The following XCR1 variants were observed in gnomAD, a reference collection of about 807,000 sequenced individuals.
The protein encoded by XCR1 is X-C motif chemokine receptor 1.
For missense variants in XCR1, 356 were observed against 424.2 expected (o/e 0.84, Z 1.41); for synonymous variants, 187 against 188.5 (o/e 0.99, Z 0.06).
chr3:46,047,867 A>T (rs72901044), intron 5 of XCR1, among the ~76,000 whole-genome samples: 2,204 of 152,304 alleles, frequency 0.014, 55 homozygotes, highest in African/African-American at 0.049. Flanking sequence ...TCCAGTTAAC[A>T]TAGATTGTTT....
chr3:46,072,456 A>G (rs926893703), intron 3 of XCR1, among the ~76,000 whole-genome samples: 1 of 152,176 alleles, frequency 6.6e-6, no homozygotes, highest in Non-Finnish European at 1.5e-5. Context: ...GGAGGCAGAC[A>G]TCGTACCAAT....
intron 5 of XCR1, among the ~76,000 whole-genome samples, chr3:46,047,224 A>C (rs1697652345): frequency 6.6e-6 from 1 of 152,224 alleles, no homozygotes; most frequent in Non-Finnish European, 1.5e-5. Context: ...ACAATAGCAA[A>C]AATTATCAGG....
intron 1 of XCR1, among the ~76,000 whole-genome samples, chr3:46,078,745 C>G (rs1351269677): frequency 6.6e-6 from 1 of 152,170 alleles, no homozygotes; most frequent in Non-Finnish European, 1.5e-5. Flanking sequence ...AGTGAGTTCT[C>G]TTGCTATGGA....
At chr3:46,032,435 C>G (rs1466362895), upstream of XCR1, among the ~76,000 whole-genome samples, 2 of 152,240 alleles carry the variant, frequency 1.3e-5, no homozygotes, top group African/African-American at 4.8e-5. Flanking sequence ...GCTGGCATGT[C>G]TCACTATGCA....
intron 5 of XCR1, among the ~76,000 whole-genome samples, chr3:46,034,203 A>G (rs951640301): frequency 1.3e-5 from 2 of 152,090 alleles, no homozygotes; most frequent in Admixed American, 6.6e-5. Context: ...AACTCCTGAC[A>G]TCAGGTGATC....
In XCR1 at chr3:46,022,196, G is replaced by A. The variant is rs190685138; in HGVS notation, c.-31-218C>T. 5.3e-3 allele frequency: 2,198 copies of A among 416,898 alleles called. 14 individuals are homozygous for A. Among genetic ancestry groups the A allele is most frequent in the Non-Finnish European group, 7.2e-3 (1,694 of 236,322 alleles). 25.8% of individuals were successfully genotyped at this position (416,898 alleles called of 1,614,324 possible). On this transcript the variant is annotated intron_variant, in intron 1 of 1. Coordinates refer to ENST00000309285, the MANE Select transcript of XCR1 (RefSeq NM_001024644.2). ...CATGCCTATAGTCCCAGCTACTCAG[G>A]AAACCGGGGGGTGGGGAAAGATTGC...
At chr3:46,081,717 T>C (rs1476179392) in intron 1 of XCR1, among the ~76,000 whole-genome samples, 1 of 151,848 alleles carries the variant, frequency 6.6e-6, no homozygotes, top group Non-Finnish European at 1.5e-5. Flanking sequence ...AAAAATCTTA[T>C]TCTAGATTTG....
intron 4 of XCR1, among the ~76,000 whole-genome samples, chr3:46,059,687 C>T (rs2125900765): frequency 6.6e-6 from 1 of 152,302 alleles, no homozygotes; most frequent in South Asian, 2.1e-4. Context: ...TTTTCACTTC[C>T]ACTTGGCTGA....
intron 5 of XCR1, among the ~76,000 whole-genome samples, chr3:46,036,674 G>C (rs1281946939): frequency 6.6e-6 from 1 of 152,118 alleles, no homozygotes; most frequent in Non-Finnish European, 1.5e-5. Flanking sequence ...TGAGGTATCA[G>C]GGTTTGGCAC....
chr3:46,043,336 C>T (rs1330452051), intron 5 of XCR1, among the ~76,000 whole-genome samples: 1 of 151,898 alleles, frequency 6.6e-6, no homozygotes, highest in Non-Finnish European at 1.5e-5. Flanking sequence ...AGCTACTCGG[C>T]AGGCTGAGGT....
At chr3:46,057,251 CT>C (rs1697869612) in intron 4 of XCR1, among the ~76,000 whole-genome samples, 1 of 152,188 alleles carries the variant, frequency 6.6e-6, no homozygotes, top group Admixed American at 6.5e-5. Flanking sequence ...GCATATGCTA[CT>C]GCACCTGGCT....
At chr3:46,069,588 C>G (rs1400053434) in intron 3 of XCR1, among the ~76,000 whole-genome samples, 1 of 152,188 alleles carries the variant, frequency 6.6e-6, no homozygotes, top group East Asian at 1.9e-4. Flanking sequence ...AAAGCTTTAC[C>G]ATAACATAAA....
chr3:46,072,365 A>G (rs1698176870), intron 3 of XCR1, among the ~76,000 whole-genome samples: 1 of 151,876 alleles, frequency 6.6e-6, no homozygotes, highest in Non-Finnish European at 1.5e-5. Context: ...CAAAAAATAC[A>G]AAAAATTAGC....
intron 5 of XCR1, among the ~76,000 whole-genome samples, chr3:46,041,572 G>T (rs1272638649): frequency 6.6e-6 from 1 of 152,206 alleles, no homozygotes; most frequent in African/African-American, 2.4e-5. Flanking sequence ...AAAGATCAAT[G>T]ACCAGATTCC....
At chr3:46,028,273 C>A (rs143840311), upstream of XCR1, among the ~76,000 whole-genome samples, 1 of 152,268 alleles carries the variant, frequency 6.6e-6, no homozygotes, top group Non-Finnish European at 1.5e-5. Flanking sequence ...ACTCACCAAA[C>A]AACAGGAGTG....
intron 2 of XCR1, among the ~76,000 whole-genome samples, chr3:46,075,118 A>T (rs1419361000): frequency 6.6e-6 from 1 of 152,126 alleles, no homozygotes; most frequent in African/African-American, 2.4e-5. Context: ...GACTTATTTC[A>T]TAGCTATAGT....
At chr3:46,042,340 T>C (rs905796592) in intron 5 of XCR1, among the ~76,000 whole-genome samples, 18 of 151,846 alleles carry the variant, frequency 1.2e-4, no homozygotes, top group African/African-American at 4.4e-4. Flanking sequence ...AATAATCAAA[T>C]GAGAGAATAG....
chr3:46,059,362 T>C (rs1697918945), intron 4 of XCR1, among the ~76,000 whole-genome samples: 1 of 152,196 alleles, frequency 6.6e-6, no homozygotes, highest in Non-Finnish European at 1.5e-5. Context: ...ACCACAGTGA[T>C]GAGAAGAAAT....
intron 4 of XCR1, among the ~76,000 whole-genome samples, chr3:46,062,529 C>G (rs747268091): frequency 1.3e-5 from 2 of 152,220 alleles, no homozygotes; most frequent in Non-Finnish European, 2.9e-5. Flanking sequence ...TTTTCCTTCC[C>G]CCTTCCTTTT....
Sources: allele counts gnomAD v4.1 joint callset (sites outside exome capture counted in the v4.1 genomes callset), GRCh38; gene constraint gnomAD v4.1.1; transcripts MANE v1.5; gene names NCBI Gene and HGNC (gene_info 2026-07-23, HGNC 2026-07-21).